Variants in TAF4 observed in about 807,000 individuals in gnomAD.
The protein encoded by TAF4 is transcription initiation factor TFIID subunit 4.
Under a neutral mutation model 90.3 loss-of-function variants are expected in TAF4, and 9 were observed. The ratio of observed to expected loss-of-function variants is 0.10; its 90% CI spans 0.06 to 0.17. The LOEUF (loss-of-function observed/expected upper bound fraction) is 0.17, where lower values mean the gene tolerates loss of function less well. TAF4 is among the 10% of genes least tolerant of loss of function. TAF4 has a pLI of 1.00. For missense variants in TAF4, 1,351 were observed against 1,370.7 expected (o/e 0.99, Z 0.23); for synonymous variants, 818 against 638.9 (o/e 1.28, Z -4.23).
chr20:62,025,520 A>G (rs6061959), intron 1 of TAF4, among the ~76,000 whole-genome samples: 36,609 of 152,070 alleles, frequency 0.24, 6,272 homozygotes, highest in East Asian at 0.47. Flanking sequence ...TCATGGGGAC[A>G]GCTTCCCCCA....
At chr20:62,054,166 C>T (rs2056047250) in intron 1 of TAF4, among the ~76,000 whole-genome samples, 1 of 152,224 alleles carries the variant, frequency 6.6e-6, no homozygotes, top group Admixed American at 6.5e-5. Flanking sequence ...TGTAAGTTTG[C>T]TCCAAGCTGA....
In TAF4 at chr20:61,976,125, G is replaced by A. The variant is rs375321865; in HGVS notation, c.*43C>T. 80 of 1,602,546 alleles carry A rather than the reference G, an allele frequency of 5.0e-5. No individual in the cohort carries two copies. Among genetic ancestry groups the A allele is most frequent in the Non-Finnish European group, 6.3e-5 (74 of 1,170,618 alleles). ...TCCCATTTGCTCGTTACAAAAAGGCGTAATCTGCAAATATATAAAAAGTCC... is the reference window on the plus strand; with the variant it reads ...TCCCATTTGCTCGTTACAAAAAGGCATAATCTGCAAATATATAAAAAGTCC... On this transcript the variant is annotated 3_prime_UTR_variant, in exon 15 of 15. Coordinates refer to ENST00000252996, the MANE Select transcript of TAF4 (RefSeq NM_003185.4).
chr20:61,992,683 C>T (rs974026989), intron 14 of TAF4, among the ~76,000 whole-genome samples: 4 of 152,160 alleles, frequency 2.6e-5, no homozygotes, highest in African/African-American at 9.7e-5. Flanking sequence ...CTAGTCCCAG[C>T]GAGTGGTCTT....
chr20:62,063,276 T>G (rs144782224), intron 1 of TAF4, among the ~76,000 whole-genome samples: 37 of 152,336 alleles, frequency 2.4e-4, no homozygotes, highest in African/African-American at 8.2e-4. Context: ...TTCTGAAGAT[T>G]CTGCAACCCT....
At chr20:62,017,812 C>T (rs753254186) in intron 1 of TAF4, among the ~76,000 whole-genome samples, 9 of 147,822 alleles carry the variant, frequency 6.1e-5, no homozygotes, top group African/African-American at 1.5e-4. Flanking sequence ...CCAGCCTGGA[C>T]GACAGAGCAA....
At chr20:62,044,117 G>C (rs2055979509) in intron 1 of TAF4, among the ~76,000 whole-genome samples, 1 of 152,214 alleles carries the variant, frequency 6.6e-6, no homozygotes, top group African/African-American at 2.4e-5. Context: ...AAAAATATAT[G>C]TATTTTTTAA....
intron 2 of TAF4, among the ~76,000 whole-genome samples, chr20:62,013,628 C>T (rs2055792483): frequency 1.3e-5 from 2 of 152,220 alleles, no homozygotes; most frequent in African/African-American, 2.4e-5. Flanking sequence ...CCAGAGGGTA[C>T]GCAGCTCACG....
Position 61,978,435 on chromosome 20 carries a change from GACCAACCAAGGGAGGGCGCGAC to G in TAF4, c.3091-2122_3091-2101del, listed in dbSNP as rs1568918954. Reference sequence around the variant, plus strand: ...CGACACCAACCAAGGGAGGGGGCGAGACCAACCAAGGGAGGGCGCGACACCAACCAAGGGAGGGCGCGACACC... The same window carrying G: ...CGACACCAACCAAGGGAGGGGGCGAGACCAACCAAGGGAGGGCGCGACACC... On this transcript the variant is annotated intron_variant, in intron 14 of 14. Transcript: ENST00000252996. 4.9e-3 allele frequency among the ~76,000 whole-genome samples: 405 copies of G among 82,598 alleles called. 3 individuals are homozygous for G. Among genetic ancestry groups the G allele is most frequent in the African/African-American group, 0.015 (321 of 21,188 alleles). 54.2% of individuals were successfully genotyped at this position (82,598 alleles called of 152,430 possible).
chr20:61,999,130 T>A lies in TAF4; in HGVS notation c.2788-22A>T, dbSNP rs760293655. ...CATCCTATGAAGAAAGTTAAAATAC[T>A]GCTTGTCATAAATCTGAGAGCCCAG... is the stretch of plus-strand genomic sequence containing the variant. On this transcript the variant is annotated intron_variant, in intron 11 of 14. Transcript: ENST00000252996. The A allele has an allele frequency of 5.6e-6, 9 of 1,612,718 alleles. No individual in the cohort carries two copies. The East Asian group carries it at 2.0e-4, about 36-fold the overall frequency.
Position 61,985,968 on chromosome 20 carries a change from G to A in TAF4, c.3091-9633C>T, listed in dbSNP as rs71323564. ...GAACCACCATCCCCGACCAAAGGAA[G>A]CACCATCCCCAATCAAAGGAAATAC... On this transcript the variant is annotated intron_variant, in intron 14 of 14. Transcript: ENST00000252996. 1.7e-3 allele frequency among the ~76,000 whole-genome samples: 177 copies of A among 101,550 alleles called. 2 individuals are homozygous for A. The highest frequency in any genetic ancestry group is 2.6e-3 in the African/African-American group (66 of 25,452). The allele number at this position is 101,550 out of a possible 152,430, so 66.6% of individuals were successfully genotyped here.
At chr20:61,994,847 T>C (rs753506001) in intron 14 of TAF4, among the ~76,000 whole-genome samples, 9 of 151,944 alleles carry the variant, frequency 5.9e-5, no homozygotes, top group Non-Finnish European at 1.2e-4. Context: ...TCGGGCAGAG[T>C]AGAGGGCAGT....
intron 9 of TAF4, among the ~76,000 whole-genome samples, chr20:62,002,763 G>A (rs896320793): frequency 6.6e-6 from 1 of 152,178 alleles, no homozygotes; most frequent in South Asian, 2.1e-4. Flanking sequence ...CTGTAGTGCT[G>A]GCACTGTAAG....
chr20:62,011,119 G>A (rs1203920535), intron 3 of TAF4, among the ~76,000 whole-genome samples: 8 of 152,324 alleles, frequency 5.3e-5, no homozygotes, highest in East Asian at 3.9e-4. Flanking sequence ...AGAGGGGTGC[G>A]GATGGGCTGT....
intron 3 of TAF4, among the ~76,000 whole-genome samples, chr20:62,011,163 G>A (rs1196595391): frequency 6.6e-6 from 1 of 152,140 alleles, no homozygotes; most frequent in Non-Finnish European, 1.5e-5. Flanking sequence ...CTGTTTCTAA[G>A]TCTGTGTATC....
At chr20:61,981,638 G>A (rs1280014198) in intron 14 of TAF4, among the ~76,000 whole-genome samples, 2 of 152,134 alleles carry the variant, frequency 1.3e-5, no homozygotes, top group African/African-American at 4.8e-5. Flanking sequence ...ACACAGAAAG[G>A]AGGAAAAGGG....
intron 1 of TAF4, among the ~76,000 whole-genome samples, chr20:62,017,675 T>C (rs1354584664): frequency 6.6e-6 from 1 of 151,582 alleles, no homozygotes; most frequent in Non-Finnish European, 1.5e-5. Flanking sequence ...TTTAAAAAAA[T>C]TGCATCCAAA....
At chr20:62,021,241 G>A (rs1047570928) in intron 1 of TAF4, among the ~76,000 whole-genome samples, 6 of 152,244 alleles carry the variant, frequency 3.9e-5, no homozygotes, top group Non-Finnish European at 7.3e-5. Context: ...TAAGAAGGGA[G>A]AAGCCACTTA....
rs533841400 is a variant in TAF4 at position 62,026,907 on chromosome 20, C to T, written c.1361-12200G>A. 2.8e-4 allele frequency among the ~76,000 whole-genome samples: 42 copies of T among 152,314 alleles called. No homozygotes were observed. The South Asian group carries it at 7.7e-3, about 28-fold the overall frequency. ...ATCATTTGGCCAAATTTCACAAATA[C>T]GCAGTTGCTCACCTTAGAGCAAAGT... is the stretch of plus-strand genomic sequence containing the variant. On this transcript the variant is annotated intron_variant, in intron 1 of 14. Coordinates refer to ENST00000252996, the MANE Select transcript of TAF4 (RefSeq NM_003185.4).
At chr20:61,984,180 C>T (rs1048273784) in intron 14 of TAF4, among the ~76,000 whole-genome samples, 1 of 152,158 alleles carries the variant, frequency 6.6e-6, no homozygotes, top group African/African-American at 2.4e-5. Context: ...TCCACCCGCT[C>T]ATCACGTGCC....
Sources: allele counts gnomAD v4.1 joint callset (sites outside exome capture counted in the v4.1 genomes callset), GRCh38; gene constraint gnomAD v4.1.1; transcripts MANE v1.5; gene names NCBI Gene and HGNC (gene_info 2026-07-23, HGNC 2026-07-21).